Variants in TMEM132D observed in about 807,000 individuals in gnomAD.
TMEM132D encodes transmembrane protein 132D, also known as mature OL transmembrane protein.
In TMEM132D, 21 loss-of-function variants were observed where a neutral mutation model predicts 62.3. The ratio of observed to expected loss-of-function variants is 0.34; its 90% CI spans 0.24 to 0.49. The LOEUF is 0.49. Ranked by LOEUF, TMEM132D falls within the 20% of genes least tolerant of loss-of-function variation. TMEM132D has a pLI of 0.99. For synonymous variants in TMEM132D, 621 were observed against 575.6 expected (o/e 1.08, Z -1.13); for missense variants, 1,346 against 1,402.8 (o/e 0.96, Z 0.65).
chr12:129,880,114 A>C (rs1370034470), intron 1 of TMEM132D, among the ~76,000 whole-genome samples: 3 of 152,144 alleles, frequency 2.0e-5, no homozygotes, highest in Non-Finnish European at 4.4e-5. Context: ...TGTTGAGGGC[A>C]GCAAAAAAAA....
intron 1 of TMEM132D, among the ~76,000 whole-genome samples, chr12:129,740,506 C>T (rs955405990): frequency 6.6e-6 from 1 of 152,182 alleles, no homozygotes; most frequent in Non-Finnish European, 1.5e-5. Context: ...TCATGATACA[C>T]ATCCATGTCT....
intron 4 of TMEM132D, among the ~76,000 whole-genome samples, chr12:129,296,715 T>A (rs1272778291): frequency 6.6e-6 from 1 of 152,180 alleles, no homozygotes; most frequent in Admixed American, 6.5e-5. Context: ...CTGTGTTTCC[T>A]GGAAAACAGA....
intron 2 of TMEM132D, among the ~76,000 whole-genome samples, chr12:129,575,512 G>A (rs1877636144): frequency 6.6e-6 from 1 of 151,880 alleles, no homozygotes; most frequent in Middle Eastern, 3.2e-3. Flanking sequence ...AAACAAACCG[G>A]GTATCAAAGA....
chr12:129,593,104 A>G (rs1878239633), intron 2 of TMEM132D, among the ~76,000 whole-genome samples: 1 of 148,488 alleles, frequency 6.7e-6, no homozygotes, highest in South Asian at 2.1e-4. Flanking sequence ...TACACATTCT[A>G]TAAAACTAAT....
intron 1 of TMEM132D, among the ~76,000 whole-genome samples, chr12:129,869,534 T>C (rs1874175426): frequency 6.6e-6 from 1 of 152,250 alleles, no homozygotes; most frequent in Non-Finnish European, 1.5e-5. Flanking sequence ...TTTGCATTTT[T>C]ATTGTTATAT....
At chr12:129,362,161 T>C (rs918950184) in intron 3 of TMEM132D, among the ~76,000 whole-genome samples, 3 of 152,222 alleles carry the variant, frequency 2.0e-5, no homozygotes, top group African/African-American at 7.2e-5. Flanking sequence ...AGATAAGTCA[T>C]TTCTAAAGAT....
intron 2 of TMEM132D, among the ~76,000 whole-genome samples, chr12:129,533,921 T>C (rs1022529983): frequency 6.6e-6 from 1 of 152,228 alleles, no homozygotes; most frequent in Non-Finnish European, 1.5e-5. Flanking sequence ...AAGGAAAATC[T>C]ATGTAATAAA....
At chr12:129,748,414 A>G (rs1162566382) in intron 1 of TMEM132D, among the ~76,000 whole-genome samples, 1 of 152,176 alleles carries the variant, frequency 6.6e-6, no homozygotes, top group Non-Finnish European at 1.5e-5. Flanking sequence ...TTGAGGACAC[A>G]CCAGACAGGG....
In TMEM132D at chr12:129,073,690, A is replaced by G; in HGVS notation, c.*185T>C. 1.8e-6 allele frequency: 1 copy of G among 544,714 alleles called. No individual in the cohort carries two copies. The highest frequency in any genetic ancestry group is 3.2e-6 in the Non-Finnish European group (1 of 312,398). The allele number at this position is 544,714 out of a possible 1,614,324, so 33.7% of individuals were successfully genotyped here. The stretch of plus-strand genomic sequence containing the variant: ...TCTTAAGCAAGACACTGTACTCTGG[A>G]ATGTGTGCGTCGATGCGGACTCCAG... On this transcript the variant is annotated 3_prime_UTR_variant, in exon 9 of 9. Coordinates refer to ENST00000422113, the MANE Select transcript of TMEM132D (RefSeq NM_133448.3).
intron 3 of TMEM132D, among the ~76,000 whole-genome samples, chr12:129,529,054 A>G (rs1242082483): frequency 6.6e-6 from 1 of 152,274 alleles, no homozygotes; most frequent in Non-Finnish European, 1.5e-5. Context: ...TATTATACAC[A>G]TATAACATAT....
chr12:129,104,071 C>T (rs931900952), intron 5 of TMEM132D, among the ~76,000 whole-genome samples: 10 of 150,624 alleles, frequency 6.6e-5, no homozygotes, highest in African/African-American at 2.2e-4. Flanking sequence ...CAAAAAAGAG[C>T]CTGCATCGCC....
chr12:129,397,825 C>T (rs1053077388), intron 3 of TMEM132D, among the ~76,000 whole-genome samples: 3 of 152,192 alleles, frequency 2.0e-5, no homozygotes, highest in African/African-American at 7.2e-5. Context: ...CTGCACTGAA[C>T]TCTACTTTGA....
intron 2 of TMEM132D, among the ~76,000 whole-genome samples, chr12:129,695,366 C>T (rs142971773): frequency 3.9e-5 from 6 of 152,252 alleles, no homozygotes; most frequent in East Asian, 1.9e-4. Flanking sequence ...AGGAAACTAG[C>T]GGGGACATAT....
At chr12:129,376,424 T>G (rs904157984) in intron 3 of TMEM132D, among the ~76,000 whole-genome samples, 5 of 152,164 alleles carry the variant, frequency 3.3e-5, no homozygotes, top group African/African-American at 1.2e-4. Context: ...CCAGATCTCA[T>G]GAGAACTCAC....
chr12:129,866,968 C>T (rs185414819), intron 1 of TMEM132D, among the ~76,000 whole-genome samples: 1 of 152,130 alleles, frequency 6.6e-6, no homozygotes, highest in East Asian at 1.9e-4. Flanking sequence ...AGAAATCCAG[C>T]CAGGCACAGT....
At chr12:129,154,298 G>A (rs765163781) in intron 5 of TMEM132D, among the ~76,000 whole-genome samples, 9 of 152,294 alleles carry the variant, frequency 5.9e-5, no homozygotes, top group South Asian at 2.1e-4. Context: ...CTCTACTCAC[G>A]TCAGAGTGCT....
At chr12:129,699,423 C>T (rs971189502) in intron 2 of TMEM132D, among the ~76,000 whole-genome samples, 1 of 152,214 alleles carries the variant, frequency 6.6e-6, no homozygotes, top group Non-Finnish European at 1.5e-5. Flanking sequence ...TCCTTTCTGA[C>T]AACTGTTGCC....
chr12:129,113,067 C>G (rs1447366254), intron 5 of TMEM132D: 1 of 152,204 alleles, frequency 6.6e-6, no homozygotes, highest in East Asian at 1.9e-4. Context: ...CTCTAAAGGT[C>G]TTCTTTCTGA....
At chr12:129,668,242 AC>A (rs1396066333) in intron 2 of TMEM132D, among the ~76,000 whole-genome samples, 11 of 147,334 alleles carry the variant, frequency 7.5e-5, no homozygotes, top group African/African-American at 2.5e-4. Context: ...TTATTAGTGT[AC>A]CTTATTACAC....
Sources: allele counts gnomAD v4.1 joint callset (sites outside exome capture counted in the v4.1 genomes callset), GRCh38; gene constraint gnomAD v4.1.1; transcripts MANE v1.5; gene names NCBI Gene and HGNC (gene_info 2026-07-23, HGNC 2026-07-21).